The following MGMT variants were observed in gnomAD, a reference collection of about 807,000 sequenced individuals.
The protein encoded by MGMT is methylated-DNA--protein-cysteine methyltransferase.
MGMT carries 14 observed loss-of-function variants against 15.9 expected under a neutral mutation model. That is an observed-to-expected ratio of 0.88 (90% confidence interval 0.58 to 1.37). The LOEUF (loss-of-function observed/expected upper bound fraction) is 1.37. MGMT is among the 40% of genes most tolerant of loss of function. The pLI, the probability that MGMT is intolerant of heterozygous loss-of-function variation, is 0.00. For missense variants in MGMT, 282 were observed against 268.1 expected (o/e 1.05, Z -0.36); for synonymous variants, 130 against 118.2 (o/e 1.10, Z -0.65).
At chr10:129,732,881 A>G (rs890450526) in intron 3 of MGMT, among the ~76,000 whole-genome samples, 3 of 147,588 alleles carry the variant, frequency 2.0e-5, no homozygotes, top group African/African-American at 5.0e-5. Context: ...TACAAAGGAC[A>G]TGAACTCATC....
intron 1 of MGMT, among the ~76,000 whole-genome samples, chr10:129,525,864 C>T (rs1227695088): frequency 6.6e-6 from 1 of 152,212 alleles, no homozygotes; most frequent in Non-Finnish European, 1.5e-5. Context: ...GGAGTGTTTC[C>T]CTTTTTCCAG....
chr10:129,613,324 G>GA (rs1363188634), intron 2 of MGMT, among the ~76,000 whole-genome samples: 2 of 152,198 alleles, frequency 1.3e-5, no homozygotes, highest in Non-Finnish European at 2.9e-5. Context: ...GCAAAGACGG[G>GA]AAGCGTCCTT....
intron 2 of MGMT, among the ~76,000 whole-genome samples, chr10:129,593,707 A>T (rs772994636): frequency 6.6e-6 from 1 of 152,186 alleles, no homozygotes; most frequent in Non-Finnish European, 1.5e-5. Flanking sequence ...GCTTTCGGGC[A>T]TGTGTGGGGA....
At chr10:129,485,198 C>T (rs533349052) in intron 1 of MGMT, among the ~76,000 whole-genome samples, 54 of 152,292 alleles carry the variant, frequency 3.5e-4, no homozygotes, top group African/African-American at 1.2e-3. Context: ...TAGGCAGAGG[C>T]CACAGGGACT....
chr10:129,473,036 A>G (rs1021333887), intron 1 of MGMT, among the ~76,000 whole-genome samples: 1 of 152,160 alleles, frequency 6.6e-6, no homozygotes, highest in African/African-American at 2.4e-5. Context: ...GTGTGCTCCT[A>G]GGGGCACTTG....
chr10:129,590,195 G>C (rs1362790136), intron 2 of MGMT, among the ~76,000 whole-genome samples: 1 of 152,202 alleles, frequency 6.6e-6, no homozygotes, highest in Non-Finnish European at 1.5e-5. Flanking sequence ...TTTCAGATCT[G>C]TCTGTGGTCT....
At position 129,600,263 on chromosome 10, in the gene MGMT, C is replaced by T. The variant is rs549028817; in HGVS notation, c.125+63886C>T. 9.0e-4 allele frequency among the ~76,000 whole-genome samples: 137 copies of T among 152,242 alleles called. 3 individuals are homozygous for T. The South Asian group carries it at 0.015, about 17-fold the overall frequency. On this transcript the variant is annotated intron_variant, in intron 2 of 4. Transcript: ENST00000651593. ...CCTGGGATGGTCCCTTGAGTTAGTT[C>T]GTGGTTAGGGGTAGCTCTCACCTTA...
At chr10:129,567,256 C>T (rs1181053315) in intron 2 of MGMT, among the ~76,000 whole-genome samples, 1 of 152,132 alleles carries the variant, frequency 6.6e-6, no homozygotes, top group Non-Finnish European at 1.5e-5. Context: ...GAAAGTAGTT[C>T]TCAGCTCTAA....
At chr10:129,593,377 C>T (rs939360851) in intron 2 of MGMT, among the ~76,000 whole-genome samples, 9 of 152,260 alleles carry the variant, frequency 5.9e-5, no homozygotes, top group East Asian at 1.9e-4. Flanking sequence ...TTGGGATGGG[C>T]GGTCCTCCCT....
At chr10:129,636,540 C>T (rs943966433) in intron 2 of MGMT, among the ~76,000 whole-genome samples, 2 of 152,162 alleles carry the variant, frequency 1.3e-5, no homozygotes, top group African/African-American at 4.8e-5. Context: ...TGTCTTGGCT[C>T]TCTGGCTAGG....
At chr10:129,487,589 A>G (rs1294743945) in intron 1 of MGMT, among the ~76,000 whole-genome samples, 3 of 151,722 alleles carry the variant, frequency 2.0e-5, no homozygotes, top group Admixed American at 6.6e-5. Flanking sequence ...AAAATTGTAT[A>G]TATATATGTA....
chr10:129,495,100 A>G (rs930012224), intron 1 of MGMT, among the ~76,000 whole-genome samples: 60 of 152,252 alleles, frequency 3.9e-4, no homozygotes, highest in African/African-American at 1.4e-3. Flanking sequence ...TGACTCTGCA[A>G]TGTTCCGTTA....
At chr10:129,487,440 A>G (rs1213129275) in intron 1 of MGMT, among the ~76,000 whole-genome samples, 2 of 152,102 alleles carry the variant, frequency 1.3e-5, no homozygotes, top group East Asian at 3.9e-4. Flanking sequence ...GTGTGTGTGT[A>G]TGTATGGTAT....
At chr10:129,603,152 G>A (rs1846845046) in intron 2 of MGMT, among the ~76,000 whole-genome samples, 1 of 152,182 alleles carries the variant, frequency 6.6e-6, no homozygotes, top group Admixed American at 6.5e-5. Flanking sequence ...ATTTTTAAGT[G>A]ACAAGAACCA....
intron 2 of MGMT, chr10:129,701,470 A>G (rs1335357081): frequency 6.6e-6 from 1 of 152,166 alleles, no homozygotes; most frequent in Non-Finnish European, 1.5e-5. Context: ...AGCCAAGTAC[A>G]TCGTGTGTTA....
chr10:129,761,602 C>T (rs1467731787), intron 4 of MGMT, among the ~76,000 whole-genome samples: 1 of 152,220 alleles, frequency 6.6e-6, no homozygotes, highest in Non-Finnish European at 1.5e-5. Flanking sequence ...TCCAGTATGG[C>T]CTCAGTCACT....
At chr10:129,513,250 A>G (rs1253753347) in intron 1 of MGMT, among the ~76,000 whole-genome samples, 2 of 152,196 alleles carry the variant, frequency 1.3e-5, no homozygotes, top group Non-Finnish European at 2.9e-5. Flanking sequence ...GGGGAGAGCT[A>G]TTGTTAAATG....
At chr10:129,655,098 G>A (rs566793320) in intron 2 of MGMT, among the ~76,000 whole-genome samples, 50 of 152,328 alleles carry the variant, frequency 3.3e-4, no homozygotes, top group African/African-American at 1.2e-3. Flanking sequence ...CCTGGTTTAA[G>A]GACGTTTGTG....
At chr10:129,644,520 A>G (rs994689622) in intron 2 of MGMT, among the ~76,000 whole-genome samples, 1 of 152,124 alleles carries the variant, frequency 6.6e-6, no homozygotes, top group African/African-American at 2.4e-5. Flanking sequence ...TCCCACTGCA[A>G]AGGGCCCCAT....
Sources: allele counts gnomAD v4.1 joint callset (sites outside exome capture counted in the v4.1 genomes callset), GRCh38; gene constraint gnomAD v4.1.1; transcripts MANE v1.5; gene names NCBI Gene and HGNC (gene_info 2026-07-23, HGNC 2026-07-21).